Variants in CHAMP1 observed in about 807,000 individuals in gnomAD.
The protein encoded by CHAMP1 is chromosome alignment maintaining phosphoprotein 1.
Under a neutral mutation model 54.5 loss-of-function variants are expected in CHAMP1, and 4 were observed. That is an observed-to-expected ratio of 0.07 (90% CI 0.04 to 0.17). The LOEUF is 0.17. Among genes scored for constraint, CHAMP1 ranks in the 10% least tolerant of loss-of-function variants. The probability of loss-of-function intolerance (pLI) is 1.00; values close to 1 mark genes in which losing one functional copy is unlikely to be tolerated. For missense variants in CHAMP1, 994 were observed against 968.6 expected, an observed-to-expected ratio of 1.03 and a Z score of -0.35; for synonymous variants, 368 against 342.2, an observed-to-expected ratio of 1.08 and a Z score of -0.83.
At chr13:114,320,216 C>G (rs915230383) in intron 1 of CHAMP1, among the ~76,000 whole-genome samples, 3 of 152,134 alleles carry the variant, frequency 2.0e-5, no homozygotes, top group Non-Finnish European at 2.9e-5. Context: ...GCCAGTTTAT[C>G]ACATTCTGTT....
At chr13:114,319,674 C>G (rs2087144224) in intron 1 of CHAMP1, among the ~76,000 whole-genome samples, 1 of 152,154 alleles carries the variant, frequency 6.6e-6, no homozygotes, top group African/African-American at 2.4e-5. Context: ...TTCCACAAGG[C>G]TGACTGTAGG....
At chr13:114,319,072 A>G (rs2087137756) in intron 1 of CHAMP1, among the ~76,000 whole-genome samples, 1 of 151,942 alleles carries the variant, frequency 6.6e-6, no homozygotes, top group Non-Finnish European at 1.5e-5. Context: ...ATTTTGGACT[A>G]TTGTACAGGC....
Position 114,324,994 on chromosome 13 carries a change from T to C in CHAMP1, c.1152T>C (p.Pro384=). 6.2e-7 allele frequency: 1 copy of C among 1,614,102 alleles called. No homozygotes were observed. The highest frequency in any genetic ancestry group is 8.5e-7 in the Non-Finnish European group (1 of 1,180,022). Residue 384 remains proline (P), a synonymous_variant, in exon 3 of 3, where the codon CCT becomes CCC. Transcript: ENST00000361283. ...CACCCAGCTCCTGGAAGTCTCCCCC[T>C]GCATCTCCTGAGTCATGGAAGTCTG... is the stretch of plus-strand genomic sequence containing the variant. ...SVSPSSWKSP[P]ASPESWKSGP...
At chr13:114,315,555 G>A (rs1016539672) in intron 1 of CHAMP1, among the ~76,000 whole-genome samples, 1 of 152,154 alleles carries the variant, frequency 6.6e-6, no homozygotes, top group African/African-American at 2.4e-5. Context: ...GATACATGCT[G>A]CAATATAAAC....
rs2087226916 is a variant in CHAMP1 at position 114,325,072 on chromosome 13, G to A, written c.1230G>A (p.Lys410=). Residue 410 remains lysine (K), a synonymous_variant, in exon 3 of 3, where the codon AAG becomes AAA. Transcript: ENST00000361283. ...CCACGTTGTCTCCTGAACATTGGAAGGCAGTTCCCCCAGTGTCTCCAGAGC... is the reference window on the plus strand; with the variant it reads ...CCACGTTGTCTCCTGAACATTGGAAAGCAGTTCCCCCAGTGTCTCCAGAGC... ...TAPTLSPEHW[K]AVPPVSPELR... is the part of the protein sequence containing the mutation. 6.2e-7 allele frequency: 1 copy of A among 1,614,116 alleles called. No homozygotes were observed. Among genetic ancestry groups the A allele is most frequent in the Non-Finnish European group, 8.5e-7 (1 of 1,180,032 alleles).
rs1555379547 is a variant in CHAMP1, at chr13:114,324,620, T to C, written c.778T>C (p.Ser260Pro). ...LAASPEPWGPSPAASPESRKS... is the reference protein window; with the variant it reads ...LAASPEPWGPPPAASPESRKS... ...TGCTTCCCCAGAACCTTGGGGACCA[T>C]CCCCAGCTGCATCTCCAGAATCTCG... Residue 260 changes from serine (S) to proline (P), a missense_variant, in exon 3 of 3, where the codon TCC becomes CCC. Around this residue, in one of 3 missense-constraint regions of CHAMP1, gnomAD observed 851 missense variants for 701.3 expected, o/e 1.21. Coordinates refer to ENST00000361283, the MANE Select transcript of CHAMP1 (RefSeq NM_032436.4). The C allele has an allele frequency of 1.9e-6, 3 of 1,613,732 alleles. No homozygotes were observed. Among genetic ancestry groups the C allele is most frequent in the Admixed American group, 1.7e-5 (1 of 59,972 alleles).
chr13:114,324,109 C>T lies in CHAMP1; in HGVS notation c.267C>T (p.Asp89=). Residue 89 remains aspartate (D), a synonymous_variant, in exon 3 of 3, where the codon GAC becomes GAT. Transcript: ENST00000361283. ...TCACATCCAAACATGCATCCCCAGA[C>T]AAATGGAATGATAAACCAAAAAATC... ...YHITSKHASP[D]KWNDKPKNQL... is the part of the protein sequence containing the mutation. 1.2e-6 allele frequency: 2 copies of T among 1,614,168 alleles called. No individual in the cohort carries two copies. The highest frequency in any genetic ancestry group is 2.2e-5 in the East Asian group (1 of 44,894).
intron 2 of CHAMP1, chr13:114,323,461 A>T (rs2087197922): frequency 5.8e-6 from 1 of 173,504 alleles, no homozygotes; most frequent in African/African-American, 2.4e-5. Flanking sequence ...GCAATAGCTA[A>T]TTCTAGAGTC....
At chr13:114,319,854 A>T (rs549261117) in intron 1 of CHAMP1, among the ~76,000 whole-genome samples, 1 of 152,322 alleles carries the variant, frequency 6.6e-6, no homozygotes, top group Non-Finnish European at 1.5e-5. Flanking sequence ...AGTTTATACA[A>T]ATGCACAGAC....
At position 114,324,406 on chromosome 13, in the gene CHAMP1, A is replaced by G. The variant is rs1382431834; in HGVS notation, c.564A>G (p.Pro188=). The G allele has an allele frequency of 2.5e-6, 4 of 1,613,970 alleles. No individual in the cohort carries two copies. The African/African-American group carries it at 5.3e-5, about 22-fold the overall frequency. Residue 188 remains proline, a synonymous_variant, in exon 3 of 3, where the codon CCA becomes CCG. Transcript: ENST00000361283. The part of the protein sequence containing the change: ...KPASVSSPEP[P]KSVPVCESQK... ...CCTCTGTTTCTTCTCCTGAACCTCCAAAATCAGTCCCTGTTTGTGAGTCTC... is the reference window on the plus strand; with the variant it reads ...CCTCTGTTTCTTCTCCTGAACCTCCGAAATCAGTCCCTGTTTGTGAGTCTC...
rs782242424 is a variant in CHAMP1, at chr13:114,324,148, A to G, written c.306A>G (p.Glu102=). 1 of 1,614,202 alleles carries G rather than the reference A, an allele frequency of 6.2e-7. No individual in the cohort carries two copies. The highest frequency in any genetic ancestry group is 1.7e-5 in the Admixed American group (1 of 60,022). The change falls in exon 3 of 3, where the codon GAA becomes GAG. Residue 102 remains glutamate (E), a synonymous_variant. Coordinates refer to ENST00000361283, the MANE Select transcript of CHAMP1 (RefSeq NM_032436.4). The part of the protein sequence containing the change: ...NDKPKNQLNK[E]TDPVKSPPLP... Reference sequence around the variant, plus strand: ...AACCAAAAAATCAGTTGAACAAAGAAACAGATCCTGTGAAAAGCCCTCCTC... The same window carrying G: ...AACCAAAAAATCAGTTGAACAAAGAGACAGATCCTGTGAAAAGCCCTCCTC...
chr13:114,321,838 C>T lies in CHAMP1; in HGVS notation c.-56+606C>T, dbSNP rs75042662. ...GGCCCCAAAACAGTTTTCTAAAATA[C>T]AGGATAACTGCTGGGCAACTCAGAA... On this transcript the variant is annotated intron_variant, in intron 2 of 2. Transcript: ENST00000361283. Among the ~76,000 whole-genome samples the T allele has an allele frequency of 3.9e-4, 59 of 152,176 alleles. No homozygotes were observed. The East Asian group carries it at 0.011, about 27-fold the overall frequency.
chr13:114,317,646 T>C (rs1214444014), intron 1 of CHAMP1, among the ~76,000 whole-genome samples: 1 of 152,122 alleles, frequency 6.6e-6, no homozygotes, highest in Admixed American at 6.5e-5. Flanking sequence ...AAAAGTCCGC[T>C]AAGATAAAGA....
intron 1 of CHAMP1, among the ~76,000 whole-genome samples, chr13:114,316,463 G>A (rs1293149835): frequency 6.6e-5 from 10 of 151,456 alleles, no homozygotes; most frequent in East Asian, 2.0e-4. Flanking sequence ...GGTGGCGCGC[G>A]CCTGTAGTCC....
intron 1 of CHAMP1, among the ~76,000 whole-genome samples, chr13:114,314,885 A>T (rs1251041274): frequency 6.6e-6 from 1 of 152,156 alleles, no homozygotes; most frequent in Admixed American, 6.5e-5. Flanking sequence ...GGCTGGAAAC[A>T]TTGCGTTTGA....
At chr13:114,322,563 C>T (rs909403516) in intron 2 of CHAMP1, 6 of 152,146 alleles carry the variant, frequency 3.9e-5, no homozygotes, top group Non-Finnish European at 8.8e-5. Flanking sequence ...CATATATACA[C>T]GTTGTTATGC....
In CHAMP1 at chr13:114,326,606, A is replaced by C. The variant is rs1301794135; in HGVS notation, c.*325A>C. 3 of 218,386 alleles carry C rather than the reference A, an allele frequency of 1.4e-5. No homozygotes were observed. The highest frequency in any genetic ancestry group is 6.9e-5 in the African/African-American group (3 of 43,530). 13.5% of individuals were successfully genotyped at this position (218,386 alleles called of 1,614,324 possible). ...AAGTTGTACTCAAAGCATTCAGTTA[A>C]AGTGTATCTGTGTGTGGAACTAATT... On this transcript the variant is annotated 3_prime_UTR_variant, in exon 3 of 3. Coordinates refer to ENST00000361283, the MANE Select transcript of CHAMP1 (RefSeq NM_032436.4).
Position 114,323,917 on chromosome 13 carries a change from C to G in CHAMP1, c.75C>G (p.Asp25Glu), listed in dbSNP as rs1555379328. The G allele has an allele frequency of 1.2e-6, 2 of 1,613,988 alleles. No homozygotes were observed. Among genetic ancestry groups the G allele is most frequent in the South Asian group, 1.1e-5 (1 of 91,084 alleles). Residue 25 changes from aspartate (D) to glutamate (E), a missense_variant, in exon 3 of 3, where the codon GAC becomes GAG. Transcript: ENST00000361283. ...ACCATTGCAGTTTCAGAGGCACAGACTATGAAAATGTACAAATCCATATGG... is the reference window on the plus strand; with the variant it reads ...ACCATTGCAGTTTCAGAGGCACAGAGTATGAAAATGTACAAATCCATATGG... ...ECDHCSFRGT[D>E]YENVQIHMGT...
In CHAMP1 at chr13:114,325,131, T is replaced by G; in HGVS notation, c.1289T>G (p.Ile430Ser). Residue 430 changes from isoleucine to serine, a missense_variant, in exon 3 of 3, where the codon ATC (isoleucine) becomes AGC (serine). Coordinates refer to ENST00000361283, the MANE Select transcript of CHAMP1 (RefSeq NM_032436.4). ...RKPGPPLSPEIRSPAGSPELR... is the reference protein window; with the variant it reads ...RKPGPPLSPESRSPAGSPELR... ...CCCGGCCCACCACTATCCCCAGAGATCCGTAGTCCAGCAGGATCTCCAGAG... is the reference window on the plus strand; with the variant it reads ...CCCGGCCCACCACTATCCCCAGAGAGCCGTAGTCCAGCAGGATCTCCAGAG... 6.2e-7 allele frequency: 1 copy of G among 1,614,018 alleles called. No individual in the cohort carries two copies. Among genetic ancestry groups the G allele is most frequent in the Non-Finnish European group, 8.5e-7 (1 of 1,180,008 alleles).
Sources: allele counts gnomAD v4.1 joint callset (sites outside exome capture counted in the v4.1 genomes callset), GRCh38; gene constraint gnomAD v4.1.1; regional missense constraint gnomAD v4.1.1; transcripts MANE v1.5; gene names NCBI Gene and HGNC (gene_info 2026-07-23, HGNC 2026-07-21).